Variants in ST8SIA5 observed in about 807,000 individuals in gnomAD.
ST8SIA5 encodes the protein ST8 alpha-N-acetyl-neuraminide alpha-2,8-sialyltransferase 5.
In ST8SIA5, 24 loss-of-function variants were observed where a neutral mutation model predicts 40.2. The ratio of observed to expected loss-of-function variants is 0.60; its 90% CI spans 0.43 to 0.84. The LOEUF (loss-of-function observed/expected upper bound fraction) is 0.84. ST8SIA5 is among the 40% of genes least tolerant of loss of function. The pLI is 0.00. For synonymous variants in ST8SIA5, 198 were observed against 201.8 expected, an observed-to-expected ratio of 0.98 and a Z score of 0.16; for missense variants, 465 against 498.5, an observed-to-expected ratio of 0.93 and a Z score of 0.64.
At chr18:46,751,016 T>A (rs2040190823) in intron 1 of ST8SIA5, among the ~76,000 whole-genome samples, 1 of 152,224 alleles carries the variant, frequency 6.6e-6, no homozygotes, top group African/African-American at 2.4e-5. Flanking sequence ...CATTTTTAAG[T>A]CTACAGTTGA....
Position 46,739,771 on chromosome 18 carries a change from G to A in ST8SIA5, c.131+16607C>T, listed in dbSNP as rs896228121. Among the ~76,000 whole-genome samples the A allele has an allele frequency of 4.6e-5, 7 of 152,174 alleles. No individual in the cohort carries two copies. In the East Asian group the frequency reaches 1.2e-3, roughly 25 times the overall value. On this transcript the variant is annotated intron_variant, in intron 1 of 6. Coordinates refer to ENST00000315087, the MANE Select transcript of ST8SIA5 (RefSeq NM_013305.6). ...CCACCTGTTGGGGGTGCCATGAGCC[G>A]ACAGCCCTCAGCTCTCATTCCTCTT...
intron 1 of ST8SIA5, among the ~76,000 whole-genome samples, chr18:46,721,925 CG>C (rs1337919187): frequency 6.6e-6 from 1 of 152,192 alleles, no homozygotes; most frequent in African/African-American, 2.4e-5. Flanking sequence ...TGGTTCAAGA[CG>C]TGCACTCAGC....
At chr18:46,754,578 A>G (rs950798716) in intron 1 of ST8SIA5, among the ~76,000 whole-genome samples, 1 of 152,140 alleles carries the variant, frequency 6.6e-6, no homozygotes, top group African/African-American at 2.4e-5. Flanking sequence ...TTGAGTCTCT[A>G]GAGTGAGGCC....
chr18:46,726,127 G>A (rs991570529), intron 1 of ST8SIA5, among the ~76,000 whole-genome samples: 22 of 147,724 alleles, frequency 1.5e-4, no homozygotes, highest in Non-Finnish European at 2.1e-4. Context: ...CTGGGAGGCA[G>A]AGGCTGCAGT....
Position 46,736,587 on chromosome 18 carries a change from T to C in ST8SIA5, c.131+19791A>G, listed in dbSNP as rs142144201. Among the ~76,000 whole-genome samples the C allele has an allele frequency of 3.7e-3, 563 of 151,842 alleles. 2 individuals are homozygous for C. Among genetic ancestry groups the C allele is most frequent in the African/African-American group, 0.013 (529 of 41,360 alleles). On this transcript the variant is annotated intron_variant, in intron 1 of 6. Transcript: ENST00000315087. ...CTTCCTTTAAACCTTCTTTTGGGGG[T>C]TGTGGGGTGTGGTTTATTTCCAAGA...
chr18:46,756,243 G>T, intron 1 of ST8SIA5, 135 bp downstream of exon 1: 2 of 1,281,600 alleles, frequency 1.6e-6, no homozygotes, highest in Non-Finnish European at 2.1e-6. Flanking sequence ...AGCCTAAGCG[G>T]CCATGCTCGG....
intron 2 of ST8SIA5, among the ~76,000 whole-genome samples, chr18:46,696,420 G>T (rs1325028444): frequency 6.6e-6 from 1 of 152,286 alleles, no homozygotes; most frequent in Admixed American, 6.5e-5. Flanking sequence ...CTCTAGGCGG[G>T]GTTCCAAGCT....
intron 3 of ST8SIA5, among the ~76,000 whole-genome samples, chr18:46,689,740 A>ATTT (rs961770000): frequency 3.1e-5 from 4 of 128,080 alleles, no homozygotes; most frequent in East Asian, 2.3e-4. Flanking sequence ...TGCCTGGCTA[A>ATTT]TTTTTTTTTT....
chr18:46,691,993 T>G (rs2039510078), intron 3 of ST8SIA5, 176 bp downstream of exon 3: 2 of 643,172 alleles, frequency 3.1e-6, no homozygotes, highest in South Asian at 3.6e-5. Flanking sequence ...GGTGCCTGCC[T>G]CAGCCTGCAT....
intron 2 of ST8SIA5, among the ~76,000 whole-genome samples, chr18:46,702,685 T>A (rs1346680923): frequency 2.0e-5 from 3 of 152,208 alleles, no homozygotes; most frequent in African/African-American, 7.2e-5. Context: ...CAGAGAAGCG[T>A]TGCCTGACAT....
intron 1 of ST8SIA5, among the ~76,000 whole-genome samples, chr18:46,753,574 G>GAA (rs1160590072): frequency 8.8e-6 from 1 of 113,650 alleles, no homozygotes; most frequent in African/African-American, 3.3e-5. Context: ...CTCCATCTCA[G>GAA]AAAAAAAAAA....
intron 1 of ST8SIA5, among the ~76,000 whole-genome samples, chr18:46,755,546 C>T (rs934598234): frequency 7.9e-5 from 12 of 152,116 alleles, no homozygotes; most frequent in Non-Finnish European, 1.2e-4. Flanking sequence ...CAAGTGTTTC[C>T]TTAAGCCAGC....
intron 1 of ST8SIA5, among the ~76,000 whole-genome samples, chr18:46,732,625 G>A (rs1329398146): frequency 6.6e-6 from 1 of 152,176 alleles, no homozygotes; most frequent in Non-Finnish European, 1.5e-5. Flanking sequence ...ATAACCTTGA[G>A]TAGGCTCTAT....
At chr18:46,723,781 C>G (rs1363706156) in intron 1 of ST8SIA5, among the ~76,000 whole-genome samples, 2 of 152,020 alleles carry the variant, frequency 1.3e-5, no homozygotes, top group Non-Finnish European at 2.9e-5. Flanking sequence ...CAAAAATTAG[C>G]CAGGCATGGT....
chr18:46,692,303 G>C (rs766778156), intron 2 of ST8SIA5, 48 bp from the exon 3 acceptor site: 12 of 1,567,640 alleles, frequency 7.7e-6, no homozygotes, highest in South Asian at 1.1e-5. Flanking sequence ...AGGCGGGACA[G>C]AGCGCGATCA....
At chr18:46,746,916 C>G (rs570020150) in intron 1 of ST8SIA5, among the ~76,000 whole-genome samples, 1 of 152,198 alleles carries the variant, frequency 6.6e-6, no homozygotes, top group Non-Finnish European at 1.5e-5. Flanking sequence ...AATAACACCA[C>G]ACATCTACAA....
At position 46,668,095 on chromosome 18, in the gene ST8SIA5, G is replaced by A. The variant is rs1273036809; in HGVS notation, c.*11947C>T. 3 of 152,214 alleles carry A rather than the reference G, an allele frequency of 2.0e-5. No homozygotes were observed. The highest frequency in any genetic ancestry group is 1.3e-4 in the Admixed American group (2 of 15,280). The allele number at this position is 152,214 out of a possible 1,614,324, so 9.4% of individuals were successfully genotyped here. A position where few individuals can be genotyped will look rare whatever the true frequency, so the allele number is the denominator to read the frequency against. ...TGAATGGCACAGCCTTTCTCTCCAG[G>A]GCCAGGGGAGGGAGAAAATCAGCAG... On this transcript the variant is annotated 3_prime_UTR_variant, in exon 7 of 7. Transcript: ENST00000315087.
intron 3 of ST8SIA5, among the ~76,000 whole-genome samples, chr18:46,690,689 C>A (rs901326150): frequency 1.3e-5 from 2 of 149,106 alleles, no homozygotes; most frequent in South Asian, 4.3e-4. Flanking sequence ...TCTCCACTCA[C>A]TGCAACCTCC....
chr18:46,715,691 G>A (rs916803530), intron 1 of ST8SIA5, among the ~76,000 whole-genome samples: 3 of 151,810 alleles, frequency 2.0e-5, no homozygotes, highest in Admixed American at 6.6e-5. Flanking sequence ...GTGATCTTCC[G>A]ACCTCAGCCT....
Sources: gnomAD v4.1 joint callset for allele counts (sites outside exome capture counted in the v4.1 genomes callset) on GRCh38, gnomAD v4.1.1 for gene constraint, MANE v1.5 for transcripts, NCBI Gene and HGNC (gene_info 2026-07-23, HGNC 2026-07-21) for gene names.